The following KIF13A variants were observed in gnomAD, a reference collection of about 807,000 sequenced individuals.
KIF13A encodes the protein kinesin family member 13A.
A neutral mutation model predicts 212.2 loss-of-function variants in KIF13A; 79 were observed. The observed-to-expected ratio is 0.37, with a 90% confidence interval of 0.31 to 0.45. The LOEUF (loss-of-function observed/expected upper bound fraction) is 0.45, where lower values mean the gene tolerates loss of function less well. Ranked by LOEUF, KIF13A falls within the 20% of genes least tolerant of loss-of-function variation. The pLI, the probability that KIF13A is intolerant of heterozygous loss-of-function variation, is 1.00. For synonymous variants in KIF13A, 789 were observed against 808.6 expected, an observed-to-expected ratio of 0.98 and a Z score of 0.41; for missense variants, 1,901 against 2,209.0, an observed-to-expected ratio of 0.86 and a Z score of 2.79.
chr6:17,849,714 A>C lies in KIF13A; in HGVS notation c.718-225T>G, dbSNP rs1238547646. Among the ~76,000 whole-genome samples the C allele has an allele frequency of 6.6e-6, 1 of 152,236 alleles. No homozygotes were observed. The highest frequency in any genetic ancestry group is 1.5e-5 in the Non-Finnish European group (1 of 68,038). On this transcript the variant is annotated intron_variant, in intron 8 of 38. Transcript: ENST00000259711. The surrounding 1 kb of genome is among the most constrained non-coding windows in gnomAD (Gnocchi z 5.7). Reference sequence around the variant, plus strand: ...CATTTTGTTTTGCAGCTGGGTAGCAAGTACACCCAGCTTTCTGGAATACAG... The same window carrying C: ...CATTTTGTTTTGCAGCTGGGTAGCACGTACACCCAGCTTTCTGGAATACAG...
At chr6:17,806,600 C>G (rs1256669757) in intron 18 of KIF13A, among the ~76,000 whole-genome samples, 1 of 152,150 alleles carries the variant, frequency 6.6e-6, no homozygotes, top group Non-Finnish European at 1.5e-5. Context: ...AATTTTCTGG[C>G]TGGGCACGGT....
At chr6:17,864,186 T>C (rs1769134866) in intron 4 of KIF13A, among the ~76,000 whole-genome samples, 1 of 152,204 alleles carries the variant, frequency 6.6e-6, no homozygotes. Context: ...GCCTGTGACT[T>C]TTCAGCAGAA....
Position 17,987,521 on chromosome 6 carries a change from C to A in KIF13A, c.-58G>T. The A allele has an allele frequency of 8.3e-6, 8 of 961,414 alleles. No homozygotes were observed. The highest frequency in any genetic ancestry group is 1.0e-5 in the Non-Finnish European group (8 of 792,506). The allele number at this position is 961,414 out of a possible 1,614,324, so 59.6% of individuals were successfully genotyped here. On this transcript the variant is annotated 5_prime_UTR_variant, in exon 1 of 39. Transcript: ENST00000259711. The surrounding 1 kb of genome is among the most constrained non-coding windows in gnomAD (Gnocchi z 7.7). ...CCGCTCGGCCTTAGGCGGCCCCTCA[C>A]GCGCGGCGCCGCCGCCGCTGCAGCC...
intron 20 of KIF13A, 145 bp downstream of exon 20, chr6:17,804,216 T>C (rs1762736238): frequency 3.3e-6 from 2 of 608,842 alleles, no homozygotes; most frequent in South Asian, 3.3e-5. Flanking sequence ...CGATTATTAG[T>C]AGAGAAAAAA....
At chr6:17,970,324 G>A (rs922115143) in intron 2 of KIF13A, among the ~76,000 whole-genome samples, 9 of 152,004 alleles carry the variant, frequency 5.9e-5, no homozygotes, top group African/African-American at 2.2e-4. Context: ...AAAGCAGGCC[G>A]GGCATGGTGA....
At position 17,792,538 on chromosome 6, in the gene KIF13A, C is replaced by T. The variant is rs115730680; in HGVS notation, c.3222+1711G>A. 6.2e-3 allele frequency among the ~76,000 whole-genome samples: 939 copies of T among 152,260 alleles called. 6 individuals carry two copies. The highest frequency in any genetic ancestry group is 0.021 in the African/African-American group (884 of 41,548). ...GTGTTCTCTTTCGACCGTGCAGCCACGTAGAAGTTGATGGCTAAGTGAAGG... is the reference window on the plus strand; with the variant it reads ...GTGTTCTCTTTCGACCGTGCAGCCATGTAGAAGTTGATGGCTAAGTGAAGG... On this transcript the variant is annotated intron_variant, in intron 25 of 38. Coordinates refer to ENST00000259711, the MANE Select transcript of KIF13A (RefSeq NM_022113.6).
At chr6:17,765,651 TG>T (rs1166285807) in intron 38 of KIF13A, among the ~76,000 whole-genome samples, 2 of 152,182 alleles carry the variant, frequency 1.3e-5, no homozygotes, top group Non-Finnish European at 2.9e-5. Context: ...AAATCTCCTT[TG>T]TAAAACAGTT....
rs904075460 is a variant in KIF13A at position 17,951,718 on chromosome 6, A to G, written c.146+35336T>C. On this transcript the variant is annotated intron_variant, in intron 2 of 38. Coordinates refer to ENST00000259711, the MANE Select transcript of KIF13A (RefSeq NM_022113.6). This position sits in a 1 kb window ranked among gnomAD's most constrained non-coding sequence, Gnocchi z 4.9. The stretch of plus-strand genomic sequence containing the variant: ...TCACATCAATGGAATCATACAATAC[A>G]TGGTTCCTTATGACTGCTTATTTCA... 1.3e-5 allele frequency among the ~76,000 whole-genome samples: 2 copies of G among 152,256 alleles called. No homozygotes were observed. The highest frequency in any genetic ancestry group is 6.5e-5 in the Admixed American group (1 of 15,296).
rs548447287 is a variant in KIF13A, at chr6:17,819,419, C to A, written c.1787-2186G>T. ...CTCTACTAAAAACACAAAAACTAGT[C>A]AGGCGTGGTGGCATGTGCCTGTAGT... On this transcript the variant is annotated intron_variant, in intron 16 of 38. Transcript: ENST00000259711. Among the ~76,000 whole-genome samples the A allele has an allele frequency of 1.1e-4, 16 of 152,042 alleles. No individual in the cohort carries two copies. In the South Asian group the frequency reaches 1.2e-3, roughly 12 times the overall value.
Position 17,799,469 on chromosome 6 carries a change from CCAATGAA to C in KIF13A, c.2617-37_2617-31del, listed in dbSNP as rs753933716. The C allele has an allele frequency of 6.9e-7, 1 of 1,449,498 alleles. No individual in the cohort carries two copies. The allele number at this position is 1,449,498 out of a possible 1,614,324, so 89.8% of individuals were successfully genotyped here. ...AGAGATAAACAATACAAATAAAACT[CCAATGAA>C]CACTAAACATTCTTTCATTTCAGCT... is the stretch of plus-strand genomic sequence containing the variant. On this transcript the variant is annotated intron_variant, in intron 21 of 38. Transcript: ENST00000259711. The surrounding 1 kb of genome is among the most constrained non-coding windows in gnomAD (Gnocchi z 4.4).
At chr6:17,831,005 T>C in intron 13 of KIF13A, 96 bp downstream of exon 13, 1 of 1,167,578 alleles carries the variant, frequency 8.6e-7, no homozygotes, top group Non-Finnish European at 1.2e-6. Flanking sequence ...CTAAGCTGGA[T>C]ACAAAAAGCA....
At chr6:17,983,046 G>A (rs149818237) in intron 2 of KIF13A, among the ~76,000 whole-genome samples, 5 of 151,736 alleles carry the variant, frequency 3.3e-5, no homozygotes, top group Non-Finnish European at 5.9e-5. Flanking sequence ...GGTGGTGGCC[G>A]CCTGTAATCC....
In KIF13A at chr6:17,871,047, G is replaced by T. The variant is rs559268232; in HGVS notation, c.220+2330C>A. On this transcript the variant is annotated intron_variant, in intron 4 of 38. Transcript: ENST00000259711. This position sits in a 1 kb window ranked among gnomAD's most constrained non-coding sequence, Gnocchi z 4.4. ...CCTGAAATTCAAACACAGGTCTCAC[G>T]TCAAAATCCATGTGCTCTCCTTGAC... Among the ~76,000 whole-genome samples, 1 of 152,170 alleles carries T rather than the reference G, an allele frequency of 6.6e-6. No homozygotes were observed. The highest frequency in any genetic ancestry group is 6.6e-5 in the Admixed American group (1 of 15,266).
intron 16 of KIF13A, chr6:17,821,727 C>T: frequency 6.6e-7 from 1 of 1,518,348 alleles, no homozygotes; most frequent in Non-Finnish European, 8.8e-7. Context: ...GAGCATCAAT[C>T]AGCAGCACTG....
rs77588126 is a variant in KIF13A at position 17,826,781 on chromosome 6, G to A, written c.1533-657C>T. 5.3e-5 allele frequency among the ~76,000 whole-genome samples: 8 copies of A among 152,012 alleles called. No individual in the cohort carries two copies. The highest frequency in any genetic ancestry group is 3.9e-4 in the East Asian group (2 of 5,170). ...GACTGGCTATATGAAGATTAGTAAC[G>A]AATTATTATTAATTATTTTAGGTAT... On this transcript the variant is annotated intron_variant, in intron 14 of 38. Coordinates refer to ENST00000259711, the MANE Select transcript of KIF13A (RefSeq NM_022113.6). This position sits in a 1 kb window ranked among gnomAD's most constrained non-coding sequence, Gnocchi z 4.7.
At chr6:17,882,423 A>G (rs1020442314) in intron 3 of KIF13A, among the ~76,000 whole-genome samples, 3 of 152,214 alleles carry the variant, frequency 2.0e-5, no homozygotes, top group Admixed American at 1.3e-4. Context: ...AAAGTGATTA[A>G]TATTTATTAT....
chr6:17,861,180 A>G lies in KIF13A; in HGVS notation c.221-5058T>C, dbSNP rs560043026. On this transcript the variant is annotated intron_variant, in intron 4 of 38. Transcript: ENST00000259711. ...AGAAAAACAACATAAAAAATTGAAA[A>G]TGATTATACTACGTTTCTGAAAAAA... 2.0e-5 allele frequency among the ~76,000 whole-genome samples: 3 copies of G among 152,330 alleles called. No individual in the cohort carries two copies. In the East Asian group the frequency reaches 5.8e-4, roughly 29 times the overall value.
At chr6:17,824,409 A>G (rs955579078) in intron 16 of KIF13A, among the ~76,000 whole-genome samples, 12 of 152,186 alleles carry the variant, frequency 7.9e-5, no homozygotes, top group Admixed American at 2.6e-4. Flanking sequence ...CTTCCCAGAT[A>G]GGCTCAAAGA....
At position 17,778,897 on chromosome 6, in the gene KIF13A, G is replaced by T. The variant is rs182705781; in HGVS notation, c.4092+50C>A. 194 of 1,542,024 alleles carry T rather than the reference G, an allele frequency of 1.3e-4. 3 individuals are homozygous for T. In the East Asian group the frequency reaches 1.4e-3, roughly 11 times the overall value. ...TAAGTAAATTCATATCTGTCCATTG[G>T]GGGTGAAGGCTGGTGCTTTCATCCT... On this transcript the variant is annotated intron_variant, in intron 33 of 38. Transcript: ENST00000259711.
Sources: allele counts gnomAD v4.1 joint callset (sites outside exome capture counted in the v4.1 genomes callset), GRCh38; gene constraint gnomAD v4.1.1; non-coding constraint Gnocchi (gnomAD v3.1); transcripts MANE v1.5; gene names NCBI Gene and HGNC (gene_info 2026-07-23, HGNC 2026-07-21).